The following UTRN variants were observed in gnomAD, a reference collection of about 807,000 sequenced individuals.
UTRN encodes the protein dystrophin-related protein 1.
A neutral mutation model predicts 463.9 loss-of-function variants in UTRN; 283 were observed. The observed-to-expected ratio is 0.61, with a 90% confidence interval of 0.55 to 0.67. The LOEUF (loss-of-function observed/expected upper bound fraction) is 0.67. Ranked by LOEUF, UTRN falls within the 30% of genes least tolerant of loss-of-function variation. The probability of loss-of-function intolerance (pLI) is 0.00; values close to 1 mark genes in which losing one functional copy is unlikely to be tolerated. For missense variants in UTRN, 3,922 were observed against 4,084.3 expected (o/e 0.96, Z 1.08); for synonymous variants, 1,442 against 1,431.5 (o/e 1.01, Z -0.17).
intron 3 of UTRN, among the ~76,000 whole-genome samples, chr6:144,411,090 A>G (rs1783858610): frequency 6.6e-6 from 1 of 152,214 alleles, no homozygotes; most frequent in Admixed American, 6.5e-5. Flanking sequence ...ATACCCAGTA[A>G]TGGGATTGCT....
At chr6:144,400,307 A>G (rs1481466517) in intron 2 of UTRN, among the ~76,000 whole-genome samples, 1 of 152,194 alleles carries the variant, frequency 6.6e-6, no homozygotes, top group Admixed American at 6.5e-5. Context: ...TGGAGAAGTT[A>G]AAATAACGAA....
chr6:144,391,962 A>C (rs976699912), intron 2 of UTRN, among the ~76,000 whole-genome samples: 8 of 152,230 alleles, frequency 5.3e-5, no homozygotes, highest in Non-Finnish European at 8.8e-5. Flanking sequence ...TTTGAAGGTC[A>C]TAGTTAAAGT....
chr6:144,436,848 AAAATATATAAAT>A (rs1420591688), intron 10 of UTRN, among the ~76,000 whole-genome samples: 1 of 144,330 alleles, frequency 6.9e-6, no homozygotes, highest in Admixed American at 7.0e-5. Flanking sequence ...ATATATAAAT[AAAATATATAAAT>A]AAATATATAT....
intron 2 of UTRN, among the ~76,000 whole-genome samples, chr6:144,401,989 A>T (rs2114794431): frequency 6.6e-6 from 1 of 152,336 alleles, no homozygotes; most frequent in South Asian, 2.1e-4. Context: ...ACTGTCGCAG[A>T]TACGCCTTGG....
Position 144,516,376 on chromosome 6 carries a change from G to A in UTRN, c.5392G>A (p.Glu1798Lys). 6.2e-7 allele frequency: 1 copy of A among 1,612,888 alleles called. No homozygotes were observed. Among genetic ancestry groups the A allele is most frequent in the Non-Finnish European group, 8.5e-7 (1 of 1,179,702 alleles). Residue 1798 changes from glutamate to lysine, a missense_variant, in exon 38 of 75, where the codon GAA becomes AAA. By Grantham distance (56) the Glu-to-Lys change is moderately conservative. This residue lies in a region of UTRN where 2,349 missense variants were observed against 2,303.8 expected (regional missense o/e 1.02). Coordinates refer to ENST00000367545, the MANE Select transcript of UTRN (RefSeq NM_007124.3). Reference sequence around the variant, plus strand: ...GGAAAAACACTTGGAATCCAGTGATGAAGATGAAAAGGTTGGTTCAAGGAG... The same window carrying A: ...GGAAAAACACTTGGAATCCAGTGATAAAGATGAAAAGGTTGGTTCAAGGAG... The part of the protein sequence containing the change: ...FVEKHLESSD[E>K]DEKMDEESAQ...
At chr6:144,392,150 T>C (rs1434239196) in intron 2 of UTRN, among the ~76,000 whole-genome samples, 1 of 152,254 alleles carries the variant, frequency 6.6e-6, no homozygotes, top group Non-Finnish European at 1.5e-5. Context: ...ATATTGAGTA[T>C]ATGTTGAAAT....
intron 4 of UTRN, among the ~76,000 whole-genome samples, chr6:144,423,135 C>G (rs933805996): frequency 2.6e-5 from 4 of 152,180 alleles, no homozygotes; most frequent in Admixed American, 2.6e-4. Flanking sequence ...GCAGCCAGAC[C>G]AATTAAGAGA....
chr6:144,493,450 C>T lies in UTRN; in HGVS notation c.4587C>T (p.Gly1529=), dbSNP rs138735508. Residue 1529 remains glycine, a synonymous_variant, in exon 33 of 75, where the codon GGC becomes GGT. Coordinates refer to ENST00000367545, the MANE Select transcript of UTRN (RefSeq NM_007124.3). The stretch of plus-strand genomic sequence containing the variant: ...TGAAGGTTCTTTACAATGACCTGGG[C>T]GCACAGGTGAGGAGAGCAGCCCCAC... ...TSLKVLYNDL[G]AQVTEGKQDL... The T allele has an allele frequency of 3.8e-5, 61 of 1,613,736 alleles. No homozygotes were observed. In the African/African-American group the frequency reaches 4.3e-4, roughly 11 times the overall value.
intron 21 of UTRN, among the ~76,000 whole-genome samples, chr6:144,460,269 C>T (rs893090150): frequency 3.3e-5 from 5 of 152,172 alleles, no homozygotes; most frequent in Non-Finnish European, 5.9e-5. Flanking sequence ...ATCCCTCCTA[C>T]GTTACACTAT....
At chr6:144,308,655 A>G (rs916308425) in intron 2 of UTRN, among the ~76,000 whole-genome samples, 3 of 152,114 alleles carry the variant, frequency 2.0e-5, no homozygotes, top group African/African-American at 4.8e-5. Context: ...AGAAACTTCA[A>G]TACCACATCT....
In UTRN at chr6:144,379,363, G is replaced by T. The variant is rs537609115; in HGVS notation, c.80-23760G>T. 1.6e-4 allele frequency among the ~76,000 whole-genome samples: 25 copies of T among 152,244 alleles called. No individual in the cohort carries two copies. In the South Asian group the frequency reaches 4.6e-3, roughly 28 times the overall value. ...GATTGCACTCAAGATGCTGGCCAGG[G>T]TTGCCATCATCTGAAGCTTGACCGA... On this transcript the variant is annotated intron_variant, in intron 2 of 74. Transcript: ENST00000367545.
intron 35 of UTRN, among the ~76,000 whole-genome samples, chr6:144,512,360 A>G (rs1795246716): frequency 6.6e-6 from 1 of 152,132 alleles, no homozygotes; most frequent in Admixed American, 6.6e-5. Context: ...TAGTGCTGTT[A>G]GAACATTTGA....
chr6:144,411,489 C>T (rs776456653), intron 3 of UTRN, among the ~76,000 whole-genome samples: 6 of 152,088 alleles, frequency 3.9e-5, no homozygotes, highest in East Asian at 1.9e-4. Flanking sequence ...TGCCTCTGGC[C>T]GCCAGGTATC....
At chr6:144,310,210 G>C (rs1168978385) in intron 2 of UTRN, among the ~76,000 whole-genome samples, 2 of 152,188 alleles carry the variant, frequency 1.3e-5, no homozygotes, top group Non-Finnish European at 2.9e-5. Context: ...GTGTGAGCCT[G>C]GGCTACATAG....
intron 53 of UTRN, among the ~76,000 whole-genome samples, chr6:144,701,587 T>G (rs1784596809): frequency 6.6e-6 from 1 of 152,212 alleles, no homozygotes; most frequent in African/African-American, 2.4e-5. Context: ...TATGCCCATT[T>G]TCTTGTATAT....
chr6:144,487,530 T>C lies in UTRN; in HGVS notation c.3823-18T>C, dbSNP rs778279899. 7.0e-6 allele frequency: 11 copies of C among 1,572,566 alleles called. No individual in the cohort carries two copies. The highest frequency in any genetic ancestry group is 9.5e-6 in the Non-Finnish European group (11 of 1,157,188). On this transcript the variant is annotated intron_variant, in intron 28 of 74. Coordinates refer to ENST00000367545, the MANE Select transcript of UTRN (RefSeq NM_007124.3). Reference sequence around the variant, plus strand: ...TTAGTAAATGCATTATTATTTTTTTTTCCCATCTCCATTCCAGTCTCTGGA... The same window carrying C: ...TTAGTAAATGCATTATTATTTTTTTCTCCCATCTCCATTCCAGTCTCTGGA...
chr6:144,314,628 C>A (rs534901608), intron 2 of UTRN, among the ~76,000 whole-genome samples: 1 of 152,244 alleles, frequency 6.6e-6, no homozygotes, highest in East Asian at 1.9e-4. Context: ...TTACATAAAG[C>A]CTCCAGAGGA....
chr6:144,712,765 G>A (rs1175443753), intron 53 of UTRN, among the ~76,000 whole-genome samples: 2 of 152,162 alleles, frequency 1.3e-5, no homozygotes, highest in African/African-American at 2.4e-5. Context: ...CATGAATCAC[G>A]ATTATTTGTG....
At chr6:144,293,276 A>C (rs1804405749) in intron 2 of UTRN, among the ~76,000 whole-genome samples, 1 of 152,140 alleles carries the variant, frequency 6.6e-6, no homozygotes, top group African/African-American at 2.4e-5. Context: ...TATATTCCTA[A>C]ATAGTTTTCT....
Sources: gnomAD v4.1 joint callset for allele counts (sites outside exome capture counted in the v4.1 genomes callset) on GRCh38, gnomAD v4.1.1 for gene constraint, gnomAD v4.1.1 regional missense constraint, MANE v1.5 for transcripts, NCBI Gene and HGNC (gene_info 2026-07-23, HGNC 2026-07-21) for gene names.